Variants in SLCO1B3 observed in about 807,000 individuals in gnomAD.
The protein encoded by SLCO1B3 is liver-specific organic anion transporter 2.
SLCO1B3 carries 72 observed loss-of-function variants against 71.8 expected under a neutral mutation model. That is an observed-to-expected ratio of 1.00 (90% CI 0.83 to 1.22). The LOEUF (loss-of-function observed/expected upper bound fraction) is 1.22, where lower values mean the gene tolerates loss of function less well. SLCO1B3 is among the 50% of genes most tolerant of loss of function. The probability of loss-of-function intolerance (pLI) is 0.00; values close to 1 mark genes in which losing one functional copy is unlikely to be tolerated. For missense variants in SLCO1B3, 911 were observed against 819.7 expected, an observed-to-expected ratio of 1.11 and a Z score of -1.36; for synonymous variants, 298 against 278.4, an observed-to-expected ratio of 1.07 and a Z score of -0.70.
chr12:20,837,796 T>C lies in SLCO1B3; in HGVS notation c.85-17232T>C, dbSNP rs367999909. Among the ~76,000 whole-genome samples the C allele has an allele frequency of 5.3e-5, 8 of 152,298 alleles. No individual in the cohort carries two copies. The East Asian group carries it at 1.3e-3, about 26-fold the overall frequency. The stretch of plus-strand genomic sequence containing the variant: ...ATGTCTATTCTACTGTTGTTGGATG[T>C]AATACATGAAGTTGTAAAGTAATAT... On this transcript the variant is annotated intron_variant, in intron 3 of 15. Coordinates refer to ENST00000381545, the MANE Select transcript of SLCO1B3 (RefSeq NM_019844.4).
chr12:20,887,761 G>A (rs1300528669), intron 13 of SLCO1B3, among the ~76,000 whole-genome samples: 1 of 151,054 alleles, frequency 6.6e-6, no homozygotes, highest in Non-Finnish European at 1.5e-5. Flanking sequence ...TTATTTTGTT[G>A]CATTTCCTTT....
chr12:20,846,283 C>T (rs1864919506), intron 3 of SLCO1B3, among the ~76,000 whole-genome samples: 1 of 152,124 alleles, frequency 6.6e-6, no homozygotes, highest in Admixed American at 6.5e-5. Flanking sequence ...TGTCATTTCT[C>T]ATGAGAATAT....
intron 15 of SLCO1B3, among the ~76,000 whole-genome samples, chr12:20,912,580 A>G (rs535209676): frequency 2.4e-4 from 36 of 148,942 alleles, no homozygotes; most frequent in Non-Finnish European, 3.0e-4. Flanking sequence ...CTGGAGTGCA[A>G]TGGTGCAATC....
chr12:20,850,582 G>A (rs377460522), intron 3 of SLCO1B3, among the ~76,000 whole-genome samples: 14 of 152,204 alleles, frequency 9.2e-5, no homozygotes, highest in African/African-American at 1.2e-4. Context: ...ATGCCCGGCC[G>A]ATGTACAGAT....
intron 3 of SLCO1B3, among the ~76,000 whole-genome samples, chr12:20,854,168 T>C (rs73083331): frequency 0.1 from 15,881 of 152,168 alleles, 1,115 homozygotes; most frequent in Middle Eastern, 0.22. Flanking sequence ...GGAGAAAAGA[T>C]GTATTCTGTT....
At chr12:20,892,072 T>C (rs1389164133) in intron 13 of SLCO1B3, among the ~76,000 whole-genome samples, 2 of 152,134 alleles carry the variant, frequency 1.3e-5, no homozygotes, top group Non-Finnish European at 2.9e-5. Context: ...GATTTCATTT[T>C]GGTTTGGATT....
Position 20,875,452 on chromosome 12 carries a change from AAAAAATGTTACC to A in SLCO1B3, c.954_965del (p.Lys320_Thr323del). ...AAACAGCTAATTTGACCAACCAAGGAAAAAATGTTACCAAAAATGTGACTGGTAGGTATTTGA... is the reference window on the plus strand; with the variant it reads ...AAACAGCTAATTTGACCAACCAAGGAAAAAATGTGACTGGTAGGTATTTGA... On this transcript the variant is annotated inframe_deletion, in exon 9 of 16. Coordinates refer to ENST00000381545, the MANE Select transcript of SLCO1B3 (RefSeq NM_019844.4). 1 of 1,600,978 alleles carries A rather than the reference AAAAAATGTTACC, an allele frequency of 6.2e-7. No individual in the cohort carries two copies.
intron 3 of SLCO1B3, among the ~76,000 whole-genome samples, chr12:20,824,693 A>G (rs1358806112): frequency 6.6e-6 from 1 of 152,220 alleles, no homozygotes; most frequent in Non-Finnish European, 1.5e-5. Flanking sequence ...TAAATATAAT[A>G]TAATCCAAAG....
rs1379545188 is a variant in SLCO1B3 at position 20,881,014 on chromosome 12, G to A, written c.1491G>A (p.Lys497=). 2 of 1,603,434 alleles carry A rather than the reference G, an allele frequency of 1.2e-6. No individual in the cohort carries two copies. The highest frequency in any genetic ancestry group is 2.2e-5 in the South Asian group (2 of 89,352). Residue 497 remains lysine (K), a synonymous_variant, in exon 12 of 16, where the codon AAG becomes AAA. Coordinates refer to ENST00000381545, the MANE Select transcript of SLCO1B3 (RefSeq NM_019844.4). ...AGCKSSSGIK[K]HTVFYNCSCV... is the part of the protein sequence containing the mutation. Reference sequence around the variant, plus strand: ...GCAAATCCTCAAGTGGTATTAAAAAGCATACAGTGAGTATTAGTTTTCACT... The same window carrying A: ...GCAAATCCTCAAGTGGTATTAAAAAACATACAGTGAGTATTAGTTTTCACT...
At chr12:20,845,124 G>A in intron 3 of SLCO1B3, 1 of 440,472 alleles carries the variant, frequency 2.3e-6, no homozygotes, top group Non-Finnish European at 4.5e-6. Flanking sequence ...TTATTATCCA[G>A]CAAGACTTAG....
chr12:20,833,520 T>C (rs528875025), intron 3 of SLCO1B3, among the ~76,000 whole-genome samples: 1 of 148,610 alleles, frequency 6.7e-6, no homozygotes, highest in South Asian at 2.1e-4. Context: ...TGTATGTATA[T>C]ACATATATAG....
chr12:20,895,913 C>G (rs1305380320), intron 13 of SLCO1B3, among the ~76,000 whole-genome samples: 1 of 152,170 alleles, frequency 6.6e-6, no homozygotes, highest in Non-Finnish European at 1.5e-5. Flanking sequence ...TCCCAAACCT[C>G]AATTATTGAC....
rs1192805369 is a variant in SLCO1B3 at position 20,901,382 on chromosome 12, C to T, written c.1780C>T (p.Leu594=). Residue 594 remains leucine, a synonymous_variant, in exon 15 of 16, where the codon CTG becomes TTG. Coordinates refer to ENST00000381545, the MANE Select transcript of SLCO1B3 (RefSeq NM_019844.4). ...GILAPIYFGA[L]IDKTCMKWST... is the part of the protein sequence containing the mutation. Reference sequence around the variant, plus strand: ...TCTAGCTCCAATATATTTTGGGGCTCTGATTGATAAAACATGTATGAAGTG... The same window carrying T: ...TCTAGCTCCAATATATTTTGGGGCTTTGATTGATAAAACATGTATGAAGTG... The T allele has an allele frequency of 5.0e-6, 8 of 1,590,230 alleles. No homozygotes were observed. Among genetic ancestry groups the T allele is most frequent in the Non-Finnish European group, 6.8e-6 (8 of 1,171,406 alleles).
At position 20,861,094 on chromosome 12, in the gene SLCO1B3, A is replaced by G. The variant is rs1377961961; in HGVS notation, c.437A>G (p.Gln146Arg). The change falls in exon 6 of 16, where the codon CAA becomes CGA. Residue 146 changes from glutamine (Q) to arginine (R), a missense_variant. Coordinates refer to ENST00000381545, the MANE Select transcript of SLCO1B3 (RefSeq NM_019844.4). The stretch of plus-strand genomic sequence containing the variant: ...AGTTTATCAACCTGTTTAATTAATC[A>G]AACCTTATCATTCAATGGAACATCA... ...TSSLSTCLIN[Q>R]TLSFNGTSPE... is the part of the protein sequence containing the mutation. 7 of 1,603,506 alleles carry G rather than the reference A, an allele frequency of 4.4e-6. No homozygotes were observed. Among genetic ancestry groups the G allele is most frequent in the South Asian group, 1.1e-5 (1 of 89,008 alleles).
In SLCO1B3 at chr12:20,817,223, A is replaced by G. The variant is rs936703774; in HGVS notation, c.84+1401A>G. Among the ~76,000 whole-genome samples the G allele has an allele frequency of 1.3e-4, 20 of 151,918 alleles. No individual in the cohort carries two copies. The South Asian group carries it at 2.5e-3, about 19-fold the overall frequency. On this transcript the variant is annotated intron_variant, in intron 3 of 15. Coordinates refer to ENST00000381545, the MANE Select transcript of SLCO1B3 (RefSeq NM_019844.4). ...TAACTAGATGTGATCCTGTTTGTCA[A>G]TTTTTCTTTGGTTGCCTGTGTTTCT...
At chr12:20,907,700 G>C (rs946907820) in intron 15 of SLCO1B3, among the ~76,000 whole-genome samples, 1 of 151,482 alleles carries the variant, frequency 6.6e-6, no homozygotes, top group Admixed American at 6.6e-5. Context: ...TACTAGATAC[G>C]GTTTCGCCAT....
chr12:20,837,868 A>G (rs550455586), intron 3 of SLCO1B3, among the ~76,000 whole-genome samples: 12 of 152,222 alleles, frequency 7.9e-5, no homozygotes, highest in Admixed American at 2.0e-4. Flanking sequence ...ATTAAGGTCA[A>G]GTATTTTCTA....
intron 8 of SLCO1B3, among the ~76,000 whole-genome samples, chr12:20,867,767 A>T (rs1227197919): frequency 1.3e-5 from 2 of 152,184 alleles, no homozygotes; most frequent in Non-Finnish European, 2.9e-5. Flanking sequence ...TGATAAAGTA[A>T]CAAAGTCAAA....
At chr12:20,848,688 A>G (rs1864963917) in intron 3 of SLCO1B3, among the ~76,000 whole-genome samples, 1 of 152,174 alleles carries the variant, frequency 6.6e-6, no homozygotes, top group African/African-American at 2.4e-5. Flanking sequence ...ATAAAAATAC[A>G]TGGAAAGACA....
Sources: allele counts gnomAD v4.1 joint callset (sites outside exome capture counted in the v4.1 genomes callset), GRCh38; gene constraint gnomAD v4.1.1; transcripts MANE v1.5; gene names NCBI Gene and HGNC (gene_info 2026-07-23, HGNC 2026-07-21).